The following L3MBTL4 variants were observed in gnomAD, a reference collection of about 807,000 sequenced individuals.
The protein encoded by L3MBTL4 is lethal(3)malignant brain tumor-like protein 4.
In L3MBTL4, 70 loss-of-function variants were observed where a neutral mutation model predicts 84.5. The ratio of observed to expected loss-of-function variants is 0.83; its 90% CI spans 0.68 to 1.01. The LOEUF is 1.01. Among genes scored for constraint, L3MBTL4 ranks in the 50% least tolerant of loss-of-function variants. The pLI, the probability that L3MBTL4 is intolerant of heterozygous loss-of-function variation, is 0.00. For missense variants in L3MBTL4, 715 were observed against 754.8 expected (o/e 0.95, Z 0.62); for synonymous variants, 274 against 259.8 (o/e 1.05, Z -0.52).
chr18:6,375,937 G>T (rs1053554066), intron 1 of L3MBTL4, among the ~76,000 whole-genome samples: 1 of 152,132 alleles, frequency 6.6e-6, no homozygotes, highest in East Asian at 1.9e-4. Context: ...AAAACATGAG[G>T]TGTCCCAAAA....
At chr18:6,060,738 A>G (rs1347948883) in intron 16 of L3MBTL4, among the ~76,000 whole-genome samples, 1 of 152,146 alleles carries the variant, frequency 6.6e-6, no homozygotes, top group African/African-American at 2.4e-5. Context: ...ATTCAAGTAT[A>G]TTGCATAGGC....
At position 6,151,387 on chromosome 18, in the gene L3MBTL4, T is replaced by A. The variant is rs534328917; in HGVS notation, c.1097-13091A>T. 9.1e-4 allele frequency among the ~76,000 whole-genome samples: 138 copies of A among 152,282 alleles called. No homozygotes were observed. In the South Asian group the frequency reaches 0.013, roughly 14 times the overall value. ...AAGCAACTGCTACAATTAATTTTTT[T>A]AATTTTCATATATATATATTTGAGA... On this transcript the variant is annotated intron_variant, in intron 13 of 18. Coordinates refer to ENST00000317931, the MANE Select transcript of L3MBTL4 (RefSeq NM_001330559.2).
Position 6,318,494 on chromosome 18 carries a change from T to TAAAAAAA in L3MBTL4, c.-90-6445_-90-6439dup, listed in dbSNP as rs71370550. ...AAAACAGACTTTCAAACAACAATAG[T>TAAAAAAA]AAAAAAAAAAAAAAAAAAAAAAAAA... On this transcript the variant is annotated intron_variant, in intron 1 of 18. Transcript: ENST00000317931. Among the ~76,000 whole-genome samples the TAAAAAAA allele has an allele frequency of 4.4e-3, 63 of 14,206 alleles. 2 individuals carry two copies. The highest frequency in any genetic ancestry group is 9.4e-3 in the South Asian group (2 of 212). The allele number at this position is 14,206 out of a possible 152,430, so 9.3% of individuals were successfully genotyped here. A position where few individuals can be genotyped will look rare whatever the true frequency, so the allele number is the denominator to read the frequency against.
At chr18:6,275,540 T>C (rs1330317543) in intron 4 of L3MBTL4, among the ~76,000 whole-genome samples, 2 of 151,810 alleles carry the variant, frequency 1.3e-5, no homozygotes, top group Non-Finnish European at 1.5e-5. Flanking sequence ...AAACAGGGAA[T>C]GTGTGCTGAT....
At chr18:6,129,644 C>T (rs2059814904) in intron 14 of L3MBTL4, among the ~76,000 whole-genome samples, 1 of 152,036 alleles carries the variant, frequency 6.6e-6, no homozygotes, top group Non-Finnish European at 1.5e-5. Context: ...CTGGGTTCTC[C>T]TCTGATCCCA....
chr18:6,414,668 G>C lies in L3MBTL4; in HGVS notation c.-91+133C>G, dbSNP rs963460374. ...ATCCCCAACCGCCACCGCCCCCACC[G>C]GCCCGGCCCTCGCCGCGGGAGTCGT... On this transcript the variant is annotated intron_variant, in intron 1 of 18. Transcript: ENST00000317931. This position sits in a 1 kb window ranked among gnomAD's most constrained non-coding sequence, Gnocchi z 5.4. The C allele has an allele frequency of 2.0e-5, 3 of 151,976 alleles. No homozygotes were observed. The highest frequency in any genetic ancestry group is 6.6e-5 in the Admixed American group (1 of 15,264). The allele number at this position is 151,976 out of a possible 1,614,324, so 9.4% of individuals were successfully genotyped here.
intron 5 of L3MBTL4, chr18:6,256,692 T>G (rs1477240844): frequency 6.6e-6 from 1 of 152,106 alleles, no homozygotes; most frequent in Non-Finnish European, 1.5e-5. Context: ...TGAATAAAGT[T>G]GGTGAGTCAT....
chr18:6,026,328 C>T (rs377698381), intron 16 of L3MBTL4, among the ~76,000 whole-genome samples: 1 of 152,180 alleles, frequency 6.6e-6, no homozygotes, highest in East Asian at 1.9e-4. Flanking sequence ...AAATATTTTA[C>T]AATATCATCA....
At chr18:6,294,544 A>G (rs1328462825) in intron 4 of L3MBTL4, among the ~76,000 whole-genome samples, 1 of 152,220 alleles carries the variant, frequency 6.6e-6, no homozygotes, top group Non-Finnish European at 1.5e-5. Context: ...GAAGAGAATG[A>G]GCAAAACCCA....
At chr18:6,127,895 C>T (rs945628808) in intron 14 of L3MBTL4, among the ~76,000 whole-genome samples, 1 of 152,108 alleles carries the variant, frequency 6.6e-6, no homozygotes, top group Admixed American at 6.5e-5. Flanking sequence ...GCACACAAAG[C>T]CTCACGCCAG....
intron 16 of L3MBTL4, among the ~76,000 whole-genome samples, chr18:5,978,088 T>C (rs932539479): frequency 6.6e-6 from 1 of 152,196 alleles, no homozygotes; most frequent in Non-Finnish European, 1.5e-5. Context: ...TCAGAGGAAT[T>C]GTACTGCAGG....
intron 14 of L3MBTL4, among the ~76,000 whole-genome samples, chr18:6,120,654 A>G (rs771118908): frequency 2.6e-5 from 4 of 152,226 alleles, no homozygotes; most frequent in Non-Finnish European, 5.9e-5. Flanking sequence ...AGGGGTAATT[A>G]CCAGGCTGAA....
At chr18:6,043,983 T>C (rs2056511700) in intron 16 of L3MBTL4, among the ~76,000 whole-genome samples, 1 of 152,204 alleles carries the variant, frequency 6.6e-6, no homozygotes, top group Admixed American at 6.5e-5. Context: ...AAATTCAGTT[T>C]TGCACACAGG....
At chr18:6,212,974 C>T (rs2046171262) in intron 12 of L3MBTL4, among the ~76,000 whole-genome samples, 175 bp downstream of exon 12, 1 of 152,140 alleles carries the variant, frequency 6.6e-6, no homozygotes, top group South Asian at 2.1e-4. Flanking sequence ...ATCCTCTAGT[C>T]CCATCTTGGC....
At chr18:6,048,461 C>A (rs970006230) in intron 16 of L3MBTL4, among the ~76,000 whole-genome samples, 1 of 152,104 alleles carries the variant, frequency 6.6e-6, no homozygotes, top group East Asian at 1.9e-4. Flanking sequence ...CTGGAGGCAT[C>A]ACATTACCCA....
At chr18:6,110,673 C>G (rs1409052518) in intron 14 of L3MBTL4, among the ~76,000 whole-genome samples, 1 of 151,466 alleles carries the variant, frequency 6.6e-6, no homozygotes, top group Non-Finnish European at 1.5e-5. Context: ...GGTGGTTGTA[C>G]ATGTGTATTG....
intron 12 of L3MBTL4, among the ~76,000 whole-genome samples, chr18:6,201,872 A>T (rs1210260332): frequency 1.3e-5 from 2 of 152,208 alleles, no homozygotes; most frequent in Non-Finnish European, 2.9e-5. Flanking sequence ...AATATGTACA[A>T]ATATAATGTA....
intron 16 of L3MBTL4, among the ~76,000 whole-genome samples, chr18:6,051,778 G>A (rs1309080178): frequency 1.5e-4 from 23 of 152,294 alleles, no homozygotes; most frequent in Non-Finnish European, 1.5e-4. Context: ...CCTCGGAGTG[G>A]TGAGCTGTGT....
At chr18:6,274,976 G>A (rs2049020777) in intron 4 of L3MBTL4, among the ~76,000 whole-genome samples, 1 of 152,194 alleles carries the variant, frequency 6.6e-6, no homozygotes, top group Non-Finnish European at 1.5e-5. Context: ...CACTATGCAA[G>A]ACAAAACTAG....
Sources: gnomAD v4.1 joint callset for allele counts (sites outside exome capture counted in the v4.1 genomes callset) on GRCh38, gnomAD v4.1.1 for gene constraint, Gnocchi (gnomAD v3.1) non-coding constraint, MANE v1.5 for transcripts, NCBI Gene and HGNC (gene_info 2026-07-23, HGNC 2026-07-21) for gene names.